Variants in ITGB1 observed in about 807,000 individuals in gnomAD.
The protein encoded by ITGB1 is integrin beta-1.
A neutral mutation model predicts 86.5 loss-of-function variants in ITGB1; 24 were observed. The ratio of observed to expected loss-of-function variants is 0.28; its 90% CI spans 0.20 to 0.39. The LOEUF is 0.39. Among genes scored for constraint, ITGB1 ranks in the 10% least tolerant of loss-of-function variants. ITGB1 has a pLI of 1.00. For missense variants in ITGB1, 556 were observed against 946.9 expected (o/e 0.59, Z 5.42); for synonymous variants, 323 against 316.8 (o/e 1.02, Z -0.21).
At position 32,908,467 on chromosome 10, in the gene ITGB1, G is replaced by C. The variant is rs754514061; in HGVS notation, c.2232C>G (p.Gly744=). 1.2e-6 allele frequency: 2 copies of C among 1,611,384 alleles called. No homozygotes were observed. Among genetic ancestry groups the C allele is most frequent in the Admixed American group, 3.3e-5 (2 of 60,012 alleles). Residue 744 remains glycine (G), a synonymous_variant, in exon 15 of 16, where the codon GGC becomes GGG. Transcript: ENST00000302278. ...GCTTCCATATCAGCAGTAATGCAAG[G>C]CCAATAAGAACAATTCCAGCAACCA... is the stretch of plus-strand genomic sequence containing the variant. ...AGVVAGIVLI[G]LALLLIWKLL... is the part of the protein sequence containing the mutation.
At position 32,912,013 on chromosome 10, in the gene ITGB1, G is replaced by A. The variant is rs2137172122; in HGVS notation, c.1581C>T (p.Asn527=). 1.2e-6 allele frequency: 2 copies of A among 1,614,100 alleles called. No individual in the cohort carries two copies. The highest frequency in any genetic ancestry group is 1.7e-6 in the Non-Finnish European group (2 of 1,179,972). The part of the protein sequence containing the change: ...RKENSSEICS[N]NGECVCGQCV... ...ACTGTCCGCAGACGCACTCTCCATT[G>A]TTACTGCAGATTTCTGAACTGTTTT... The change falls in exon 12 of 16, where the codon AAC becomes AAT. Residue 527 remains asparagine (N), a synonymous_variant. Coordinates refer to ENST00000302278, the MANE Select transcript of ITGB1 (RefSeq NM_002211.4).
chr10:32,954,425 A>T (rs1037599050), intron 1 of ITGB1, among the ~76,000 whole-genome samples: 2 of 152,140 alleles, frequency 1.3e-5, no homozygotes, highest in African/African-American at 4.8e-5. Context: ...ATCATCCTCC[A>T]TATAGGGATC....
chr10:32,932,026 T>C (rs2094985029), intron 3 of ITGB1, among the ~76,000 whole-genome samples: 5 of 151,988 alleles, frequency 3.3e-5, no homozygotes, highest in Admixed American at 3.3e-4. Context: ...TCAAATATAA[T>C]TAAGAAGGTT....
Position 32,911,962 on chromosome 10 carries a change from T to C in ITGB1, c.1632A>G (p.Thr544=). Residue 544 remains threonine, a synonymous_variant, in exon 12 of 16, where the codon ACA becomes ACG. Coordinates refer to ENST00000302278, the MANE Select transcript of ITGB1 (RefSeq NM_002211.4). The part of the protein sequence containing the change: ...GQCVCRKRDN[T]NEIYSGKFCE... ...AGAATTTGCCAGAATAAATTTCATTTGTATTATCCCTCTTCCTACAAACAC... is the reference window on the plus strand; with the variant it reads ...AGAATTTGCCAGAATAAATTTCATTCGTATTATCCCTCTTCCTACAAACAC... 1.2e-6 allele frequency: 2 copies of C among 1,614,184 alleles called. No individual in the cohort carries two copies. Among genetic ancestry groups the C allele is most frequent in the African/African-American group, 1.3e-5 (1 of 75,044 alleles).
chr10:32,952,735 A>G lies in ITGB1; in HGVS notation c.-1+5410T>C, dbSNP rs376330570. Among the ~76,000 whole-genome samples, 325 of 152,142 alleles carry G rather than the reference A, an allele frequency of 2.1e-3. 1 individual carries two copies. Among genetic ancestry groups the G allele is most frequent in the Middle Eastern group, 0.014 (4 of 294 alleles). On this transcript the variant is annotated intron_variant, in intron 1 of 15. Transcript: ENST00000302278. ...ACTCCCTACACAAAATAGAATGCTGATTTTTCTTCTTCCTTTCTGTCTTTA... is the reference window on the plus strand; with the variant it reads ...ACTCCCTACACAAAATAGAATGCTGGTTTTTCTTCTTCCTTTCTGTCTTTA...
intron 11 of ITGB1, among the ~76,000 whole-genome samples, chr10:32,917,159 A>T (rs1394748164): frequency 6.6e-6 from 1 of 152,226 alleles, no homozygotes; most frequent in Non-Finnish European, 1.5e-5. Flanking sequence ...CTGAAACTGG[A>T]TCCCTTCCTT....
At chr10:32,955,660 CATT>C (rs2095050887) in intron 1 of ITGB1, 1 of 152,174 alleles carries the variant, frequency 6.6e-6, no homozygotes, top group African/African-American at 2.4e-5. Context: ...GACCACTTTT[CATT>C]ATTATAATAT....
rs1297023066 is a variant in ITGB1 at position 32,909,966 on chromosome 10, TA to T, written c.2164+256del. Among the ~76,000 whole-genome samples the T allele has an allele frequency of 2.0e-5, 3 of 152,202 alleles. No individual in the cohort carries two copies. In the East Asian group the frequency reaches 5.8e-4, roughly 29 times the overall value. On this transcript the variant is annotated intron_variant, in intron 14 of 15. Coordinates refer to ENST00000302278, the MANE Select transcript of ITGB1 (RefSeq NM_002211.4). The stretch of plus-strand genomic sequence containing the variant: ...CAGGCATCGTTCTAAGTGTCTTATA[TA>T]AATCACTAAGCGTCTTATATAAATC...
In ITGB1 at chr10:32,907,180, G is replaced by GA. The variant is rs80132666; in HGVS notation, c.2331+1187dup. ...GAAATAGTTTCTAATGATTTCATCA[G>GA]AAAAAAAAAATCCCTTTATAGTGTT... On this transcript the variant is annotated intron_variant, in intron 15 of 15. Transcript: ENST00000302278. 5.5e-3 allele frequency: 4,625 copies of GA among 835,270 alleles called. 4 individuals are homozygous for GA. Among genetic ancestry groups the GA allele is most frequent in the African/African-American group, 7.3e-3 (397 of 54,164 alleles). 51.7% of individuals were successfully genotyped at this position (835,270 alleles called of 1,614,324 possible). A position where few individuals can be genotyped will look rare whatever the true frequency, so the allele number is the denominator to read the frequency against.
chr10:32,954,140 T>C (rs2095047936), intron 1 of ITGB1, among the ~76,000 whole-genome samples: 1 of 152,148 alleles, frequency 6.6e-6, no homozygotes, highest in South Asian at 2.1e-4. Flanking sequence ...CAGAGTTTTT[T>C]CTTTTTTTAA....
intron 1 of ITGB1, among the ~76,000 whole-genome samples, chr10:32,951,045 G>T (rs1397292322): frequency 6.6e-6 from 1 of 152,140 alleles, no homozygotes; most frequent in Non-Finnish European, 1.5e-5. Flanking sequence ...TACGTTGGGG[G>T]TAGGGGGAGG....
chr10:32,905,563 A>G (rs2094893763), intron 15 of ITGB1, among the ~76,000 whole-genome samples: 1 of 152,240 alleles, frequency 6.6e-6, no homozygotes, highest in Non-Finnish European at 1.5e-5. Flanking sequence ...GCTACCAAGT[A>G]CAATGTCATA....
At chr10:32,945,536 T>G (rs1254442645) in intron 1 of ITGB1, among the ~76,000 whole-genome samples, 2 of 152,004 alleles carry the variant, frequency 1.3e-5, no homozygotes, top group Admixed American at 1.3e-4. Context: ...GAGGTGGAGC[T>G]TGCAGTGAGC....
At chr10:32,949,459 T>A (rs2095038572) in intron 1 of ITGB1, among the ~76,000 whole-genome samples, 5 of 152,358 alleles carry the variant, frequency 3.3e-5, no homozygotes, top group Admixed American at 2.6e-4. Context: ...ATGAGTTTAT[T>A]TCTTGGGCAT....
At chr10:32,906,761 A>C (rs1174368168) in intron 15 of ITGB1, among the ~76,000 whole-genome samples, 2 of 152,202 alleles carry the variant, frequency 1.3e-5, no homozygotes, top group Non-Finnish European at 2.9e-5. Context: ...GTGACAGTTG[A>C]GAGAAGTGAA....
At chr10:32,912,353 C>A (rs1343600663) in intron 11 of ITGB1, among the ~76,000 whole-genome samples, 2 of 152,190 alleles carry the variant, frequency 1.3e-5, no homozygotes, top group African/African-American at 2.4e-5. Context: ...CATCGCCTCA[C>A]CCGGGAAGCA....
intron 9 of ITGB1, among the ~76,000 whole-genome samples, chr10:32,920,817 C>CAA (rs5784311): frequency 0.12 from 16,150 of 139,492 alleles, 1,067 homozygotes; most frequent in Admixed American, 0.21. Flanking sequence ...CGCTAAAATA[C>CAA]AAAAAAAAAA....
chr10:32,911,773 G>A (rs2094914236), intron 12 of ITGB1, 103 bp from the exon 13 acceptor site: 1 of 1,428,132 alleles, frequency 7.0e-7, no homozygotes, highest in East Asian at 2.3e-5. Context: ...ATACCTAGGG[G>A]CGAGACTGAC....
intron 1 of ITGB1, among the ~76,000 whole-genome samples, chr10:32,942,380 A>T (rs2095020452): frequency 6.6e-6 from 1 of 152,234 alleles, no homozygotes; most frequent in African/African-American, 2.4e-5. Context: ...GAGAGCCTGC[A>T]ATGGTGAGAG....
Sources: gnomAD v4.1 joint callset for allele counts (sites outside exome capture counted in the v4.1 genomes callset) on GRCh38, gnomAD v4.1.1 for gene constraint, MANE v1.5 for transcripts, NCBI Gene and HGNC (gene_info 2026-07-23, HGNC 2026-07-21) for gene names.